Variants in PJA2 observed in about 807,000 individuals in gnomAD.
The protein encoded by PJA2 is E3 ubiquitin-protein ligase Praja-2.
Under a neutral mutation model 69.3 loss-of-function variants are expected in PJA2, and 25 were observed. The observed-to-expected ratio is 0.36, with a 90% CI of 0.26 to 0.50. The LOEUF is 0.50. PJA2 is among the 20% of genes least tolerant of loss of function. PJA2 has a pLI of 0.96. For synonymous variants in PJA2, 308 were observed against 277.8 expected (o/e 1.11, Z -1.08); for missense variants, 809 against 830.2 (o/e 0.97, Z 0.31).
intron 2 of PJA2, among the ~76,000 whole-genome samples, chr5:109,382,445 T>C (rs933634486): frequency 6.6e-6 from 1 of 152,220 alleles, no homozygotes; most frequent in African/African-American, 2.4e-5. Context: ...TACATTATTA[T>C]ACACACACAT....
At chr5:109,387,372 A>T (rs993618382) in intron 1 of PJA2, among the ~76,000 whole-genome samples, 8 of 152,192 alleles carry the variant, frequency 5.3e-5, no homozygotes, top group African/African-American at 1.9e-4. Context: ...ATAAGTAGGG[A>T]ATAAAGACCA....
intron 4 of PJA2, among the ~76,000 whole-genome samples, chr5:109,374,907 T>C (rs1283068560): frequency 2.0e-5 from 3 of 152,156 alleles, no homozygotes; most frequent in Admixed American, 6.5e-5. Context: ...CTTCTCAGGG[T>C]ATATTTCAAA....
intron 2 of PJA2, among the ~76,000 whole-genome samples, chr5:109,382,928 C>G (rs1248317583): frequency 2.6e-5 from 4 of 151,550 alleles, no homozygotes; most frequent in Non-Finnish European, 5.9e-5. Context: ...GAAATATAAT[C>G]ACTTCCAAGA....
At position 109,353,485 on chromosome 5, in the gene PJA2, TA is replaced by T. The variant is rs1453743823; in HGVS notation, c.1764+2429del. Among the ~76,000 whole-genome samples the T allele has an allele frequency of 1.1e-4, 11 of 102,988 alleles. 1 individual carries two copies. The highest frequency in any genetic ancestry group is 6.7e-4 in the Admixed American group (6 of 9,010). 67.6% of individuals were successfully genotyped at this position (102,988 alleles called of 152,430 possible). ...TACCTATATCTATAGATATCTAATA[TA>T]TTAGATATCTATAATATCTATAGAT... On this transcript the variant is annotated intron_variant, in intron 7 of 9. Transcript: ENST00000361189.
chr5:109,385,982 G>T (rs910449446), intron 1 of PJA2, among the ~76,000 whole-genome samples: 3 of 152,016 alleles, frequency 2.0e-5, no homozygotes, highest in Admixed American at 2.0e-4. Flanking sequence ...CTGATGTGTG[G>T]AATGTTAAAA....
intron 3 of PJA2, 42 bp downstream of exon 3, chr5:109,381,461 A>G: frequency 6.5e-7 from 1 of 1,540,842 alleles, no homozygotes; most frequent in Non-Finnish European, 8.9e-7. Context: ...ATCAATTCCT[A>G]TATAACTATT....
rs375533361 is a variant in PJA2, at chr5:109,344,814, A to T, written c.1770T>A (p.Ala590=). Reference sequence around the variant, plus strand: ...CTGCAAGAGACTCTAAATGGGCCAGAGCAGTCTGAAAAACAAAAGGTACAG... The same window carrying T: ...CTGCAAGAGACTCTAAATGGGCCAGTGCAGTCTGAAAAACAAAAGGTACAG... ...EERLAQAMET[A]LAHLESLAVD... is the part of the protein sequence containing the mutation. The change falls in exon 8 of 10, where the codon GCT becomes GCA. Residue 590 remains alanine, a synonymous_variant. Transcript: ENST00000361189. 6.2e-7 allele frequency: 1 copy of T among 1,606,850 alleles called. No individual in the cohort carries two copies. Among genetic ancestry groups the T allele is most frequent in the Non-Finnish European group, 8.5e-7 (1 of 1,175,540 alleles).
Position 109,382,188 on chromosome 5 carries a change from TG to T in PJA2, c.32-486del, listed in dbSNP as rs368779655. Among the ~76,000 whole-genome samples, 12 of 152,312 alleles carry T rather than the reference TG, an allele frequency of 7.9e-5. No individual in the cohort carries two copies. In the East Asian group the frequency reaches 2.3e-3, roughly 29 times the overall value. On this transcript the variant is annotated intron_variant, in intron 2 of 9. Coordinates refer to ENST00000361189, the MANE Select transcript of PJA2 (RefSeq NM_014819.5). ...AAAGATAACAAGTAACCTCTTTAAA[TG>T]GTATCTGTACCATGAAGAATCAACT...
chr5:109,400,242 G>A (rs1248116568), intron 1 of PJA2, among the ~76,000 whole-genome samples: 1 of 150,146 alleles, frequency 6.7e-6, no homozygotes, highest in Non-Finnish European at 1.5e-5. Flanking sequence ...AGTGAGCCAA[G>A]ATCACACCAC....
chr5:109,370,032 CAAAAA>C (rs1168528650), intron 4 of PJA2, among the ~76,000 whole-genome samples: 2 of 49,096 alleles, frequency 4.1e-5, no homozygotes, highest in African/African-American at 7.3e-5. Context: ...AACTCCCTCT[CAAAAA>C]AAAAAAAAAA....
intron 1 of PJA2, chr5:109,390,658 C>G (rs1004169926): frequency 1.3e-5 from 2 of 151,850 alleles, no homozygotes; most frequent in African/African-American, 4.8e-5. Flanking sequence ...TTCCTTTATT[C>G]CTCCGTTCTT....
chr5:109,388,531 T>C (rs890758652), intron 1 of PJA2, among the ~76,000 whole-genome samples: 1 of 152,090 alleles, frequency 6.6e-6, no homozygotes, highest in African/African-American at 2.4e-5. Flanking sequence ...ACAATGTAAA[T>C]TAAAATGAAG....
chr5:109,360,425 A>G (rs1231828365), intron 6 of PJA2, among the ~76,000 whole-genome samples: 3 of 152,194 alleles, frequency 2.0e-5, no homozygotes, highest in Non-Finnish European at 4.4e-5. Flanking sequence ...AAATTAAGGA[A>G]CCAAAAGGCT....
intron 5 of PJA2, among the ~76,000 whole-genome samples, chr5:109,364,770 A>G (rs1762560145): frequency 1.6e-5 from 1 of 61,214 alleles, no homozygotes; most frequent in African/African-American, 1.2e-4. Flanking sequence ...TAGAAGCTTA[A>G]AATGTAAAAA....
At chr5:109,354,122 T>TATCTA (rs1762347712) in intron 7 of PJA2, among the ~76,000 whole-genome samples, 2 of 46,060 alleles carry the variant, frequency 4.3e-5, no homozygotes, top group Non-Finnish European at 1.6e-4. Context: ...TAGATATCTA[T>TATCTA]GGTATCTAGA....
chr5:109,380,247 T>C (rs1193932285), intron 3 of PJA2, among the ~76,000 whole-genome samples: 1 of 151,844 alleles, frequency 6.6e-6, no homozygotes, highest in Non-Finnish European at 1.5e-5. Context: ...GGTTCTTCAA[T>C]GGGATGACCC....
chr5:109,394,039 C>CTTTTTTTTTTT (rs75679188), intron 1 of PJA2, among the ~76,000 whole-genome samples: 1 of 81,880 alleles, frequency 1.2e-5, no homozygotes, highest in Non-Finnish European at 2.4e-5. Context: ...TTCTAATTCT[C>CTTTTTTTTTTT]TTTTTTTTTT....
At chr5:109,405,620 A>G (rs1190446838) in intron 1 of PJA2, among the ~76,000 whole-genome samples, 1 of 152,216 alleles carries the variant, frequency 6.6e-6, no homozygotes, top group Non-Finnish European at 1.5e-5. Context: ...GACTTTTGAC[A>G]AAGTTAATTC....
chr5:109,372,600 C>T (rs1762691180), intron 4 of PJA2, among the ~76,000 whole-genome samples: 1 of 152,036 alleles, frequency 6.6e-6, no homozygotes, highest in African/African-American at 2.4e-5. Flanking sequence ...ATCAGGAGGT[C>T]ACCACTGACA....
Sources: gnomAD v4.1 joint callset for allele counts (sites outside exome capture counted in the v4.1 genomes callset) on GRCh38, gnomAD v4.1.1 for gene constraint, MANE v1.5 for transcripts, NCBI Gene and HGNC (gene_info 2026-07-23, HGNC 2026-07-21) for gene names.